ATE1: variants seen among roughly 807,000 people sequenced by gnomAD.
The protein encoded by ATE1 is arginyl-tRNA--protein transferase 1.
A neutral mutation model predicts 70.5 loss-of-function variants in ATE1; 36 were observed. The ratio of observed to expected loss-of-function variants is 0.51; its 90% CI spans 0.39 to 0.67. ATE1 has a LOEUF of 0.67. Among genes scored for constraint, ATE1 ranks in the 30% least tolerant of loss-of-function variants. The probability of loss-of-function intolerance (pLI) is 0.00; values close to 1 mark genes in which losing one functional copy is unlikely to be tolerated. For synonymous variants in ATE1, 232 were observed against 219.3 expected, an observed-to-expected ratio of 1.06 and a Z score of -0.51; for missense variants, 593 against 629.5, an observed-to-expected ratio of 0.94 and a Z score of 0.62.
intron 11 of ATE1, among the ~76,000 whole-genome samples, chr10:121,782,873 T>C (rs773940488): frequency 3.3e-5 from 5 of 152,194 alleles, no homozygotes; most frequent in Non-Finnish European, 7.3e-5. Context: ...TACTGGATGC[T>C]TCCTGCCCTC....
In ATE1 at chr10:121,812,829, G is replaced by A. The variant is rs568010444; in HGVS notation, c.1258-22540C>T. Among the ~76,000 whole-genome samples, 463 of 152,184 alleles carry A rather than the reference G, an allele frequency of 3.0e-3. 3 individuals are homozygous for A. Among genetic ancestry groups the A allele is most frequent in the Non-Finnish European group, 4.3e-3 (290 of 68,004 alleles). On this transcript the variant is annotated intron_variant, in intron 10 of 11. Coordinates refer to ENST00000224652, the MANE Select transcript of ATE1 (RefSeq NM_001001976.3). Reference sequence around the variant, plus strand: ...ATTAAGTTAAACTGGGATAGCTCCAGGTCACAAAAGTAATGATTAGCTATC... The same window carrying A: ...ATTAAGTTAAACTGGGATAGCTCCAAGTCACAAAAGTAATGATTAGCTATC...
intron 7 of ATE1, among the ~76,000 whole-genome samples, chr10:121,890,771 G>A (rs1950552471): frequency 6.6e-6 from 1 of 152,052 alleles, no homozygotes; most frequent in South Asian, 2.1e-4. Context: ...AGAATTACTG[G>A]TATCCTGAAA....
chr10:121,910,334 A>G (rs1951370218), intron 5 of ATE1, among the ~76,000 whole-genome samples: 2 of 152,224 alleles, frequency 1.3e-5, no homozygotes, highest in Admixed American at 1.3e-4. Context: ...TAATTTTAAA[A>G]GAGTCATATA....
chr10:121,772,203 T>G (rs1945547778), intron 11 of ATE1, among the ~76,000 whole-genome samples: 1 of 152,236 alleles, frequency 6.6e-6, no homozygotes, highest in Non-Finnish European at 1.5e-5. Flanking sequence ...GCGATGATCT[T>G]CATTTCATGT....
chr10:121,759,268 C>G (rs182138413), intron 11 of ATE1, among the ~76,000 whole-genome samples: 6 of 152,272 alleles, frequency 3.9e-5, no homozygotes, highest in African/African-American at 9.6e-5. Context: ...AAGATCAAAC[C>G]AGCCACAACA....
intron 5 of ATE1, among the ~76,000 whole-genome samples, chr10:121,907,182 C>T (rs1019890439): frequency 9.2e-5 from 14 of 152,086 alleles, no homozygotes; most frequent in Admixed American, 5.9e-4. Context: ...TGGCTGGGCA[C>T]GGTGGCTCAT....
At chr10:121,851,282 T>G (rs1385391309) in intron 8 of ATE1, among the ~76,000 whole-genome samples, 1 of 151,790 alleles carries the variant, frequency 6.6e-6, no homozygotes, top group Non-Finnish European at 1.5e-5. Flanking sequence ...TAGCCAGGTG[T>G]GGTGGCACAT....
intron 11 of ATE1, among the ~76,000 whole-genome samples, chr10:121,785,979 GC>G (rs533144263): frequency 1.2e-3 from 179 of 152,072 alleles, no homozygotes; most frequent in South Asian, 5.6e-3. Flanking sequence ...ATTCTTAGTA[GC>G]CCCCTTGAAA....
chr10:121,927,183 CA>C, intron 1 of ATE1: 1 of 985,356 alleles, frequency 1.0e-6, no homozygotes, highest in Non-Finnish European at 1.2e-6. Context: ...GATGGAAAAA[CA>C]AAACAAACTT....
upstream of ATE1, chr10:121,928,316 C>T: frequency 1.3e-6 from 2 of 1,511,598 alleles, no homozygotes; most frequent in South Asian, 1.2e-5. Context: ...GGCGCGGCGG[C>T]CGCGCCAACT....
rs1321294006 is a variant in ATE1 at position 121,837,191 on chromosome 10, C to CAGTACAGCACAT, written c.1158-375_1158-374insATGTGCTGTACT. On this transcript the variant is annotated intron_variant, in intron 9 of 11. Transcript: ENST00000224652. ...AAACAGTACAGCACATTTTAGAAAA[C>CAGTACAGCACAT]TCAAAAGCCAATAAATTACAGGACG... 2.6e-5 allele frequency among the ~76,000 whole-genome samples: 4 copies of CAGTACAGCACAT among 152,282 alleles called. No homozygotes were observed. The South Asian group carries it at 6.2e-4, about 24-fold the overall frequency.
At chr10:121,825,035 T>C (rs1236939544) in intron 10 of ATE1, among the ~76,000 whole-genome samples, 1 of 151,698 alleles carries the variant, frequency 6.6e-6, no homozygotes, top group Non-Finnish European at 1.5e-5. Context: ...AGCCTATATA[T>C]AAAATTTTGA....
chr10:121,843,702 G>T (rs1237685078), intron 8 of ATE1, among the ~76,000 whole-genome samples: 2 of 151,714 alleles, frequency 1.3e-5, no homozygotes, highest in African/African-American at 4.8e-5. Flanking sequence ...AATAAATGGT[G>T]CTGTAACAAC....
At chr10:121,752,881 G>C in intron 11 of ATE1, among the ~76,000 whole-genome samples, 1 of 152,248 alleles carries the variant, frequency 6.6e-6, no homozygotes, top group African/African-American at 2.4e-5. Flanking sequence ...CTGCAGGGAA[G>C]CCAGCTGGGA....
intron 7 of ATE1, chr10:121,898,785 T>C: frequency 6.3e-7 from 1 of 1,595,486 alleles, no homozygotes; most frequent in East Asian, 2.2e-5. Context: ...AAATGGTATA[T>C]ATTATACTTC....
At chr10:121,908,866 A>G (rs1026646383) in intron 5 of ATE1, among the ~76,000 whole-genome samples, 2 of 152,264 alleles carry the variant, frequency 1.3e-5, no homozygotes, top group Admixed American at 1.3e-4. Context: ...TCAATTTATA[A>G]GCGGGCAGAG....
At chr10:121,909,928 T>C (rs1170799570) in intron 5 of ATE1, among the ~76,000 whole-genome samples, 1 of 152,090 alleles carries the variant, frequency 6.6e-6, no homozygotes, top group Admixed American at 6.6e-5. Flanking sequence ...CCTGTATTCC[T>C]ACCTACTCAG....
At chr10:121,845,010 A>G (rs1948763819) in intron 8 of ATE1, among the ~76,000 whole-genome samples, 1 of 152,076 alleles carries the variant, frequency 6.6e-6, no homozygotes, top group South Asian at 2.1e-4. Flanking sequence ...GCAATAAAGC[A>G]TTTTTTATTT....
intron 7 of ATE1, among the ~76,000 whole-genome samples, chr10:121,876,792 C>T (rs1325918853): frequency 6.6e-6 from 1 of 151,958 alleles, no homozygotes; most frequent in East Asian, 1.9e-4. Flanking sequence ...CAGTGAAACC[C>T]CGTCTCTACT....
Sources: gnomAD v4.1 joint callset for allele counts (sites outside exome capture counted in the v4.1 genomes callset) on GRCh38, gnomAD v4.1.1 for gene constraint, MANE v1.5 for transcripts, NCBI Gene and HGNC (gene_info 2026-07-23, HGNC 2026-07-21) for gene names.